The following TRIM9 variants were observed in gnomAD, a reference collection of about 807,000 sequenced individuals.
The protein encoded by TRIM9 is tripartite motif containing 9, also known as E3 ubiquitin-protein ligase TRIM9.
Under a neutral mutation model 78.3 loss-of-function variants are expected in TRIM9, and 26 were observed. The observed-to-expected ratio is 0.33, with a 90% CI of 0.24 to 0.46. TRIM9 has a LOEUF of 0.46. Among genes scored for constraint, TRIM9 ranks in the 20% least tolerant of loss-of-function variants. The probability of loss-of-function intolerance (pLI) is 1.00; values close to 1 mark genes in which losing one functional copy is unlikely to be tolerated. For synonymous variants in TRIM9, 398 were observed against 416.5 expected (o/e 0.96, Z 0.54); for missense variants, 787 against 1,036.4 (o/e 0.76, Z 3.30).
At chr14:51,052,589 A>C (rs906432795) in intron 1 of TRIM9, among the ~76,000 whole-genome samples, 9 of 152,358 alleles carry the variant, frequency 5.9e-5, no homozygotes, top group Admixed American at 2.6e-4. Context: ...CTGACATTTC[A>C]TCTTTTCAAT....
At position 51,027,518 on chromosome 14, in the gene TRIM9, G is replaced by C. The variant is rs575058541; in HGVS notation, c.823-2158C>G. Among the ~76,000 whole-genome samples the C allele has an allele frequency of 3.3e-5, 5 of 151,696 alleles. No individual in the cohort carries two copies. The East Asian group carries it at 7.7e-4, about 23-fold the overall frequency. On this transcript the variant is annotated intron_variant, in intron 1 of 12. Coordinates refer to ENST00000684578, the MANE Select transcript of TRIM9 (RefSeq NM_001387360.1). Reference sequence around the variant, plus strand: ...GCTGACTGGAGGGATTCGCAGGACAGATTCCTGGAACAGGGTCTGTTGGAG... The same window carrying C: ...GCTGACTGGAGGGATTCGCAGGACACATTCCTGGAACAGGGTCTGTTGGAG...
rs1157766657 is a variant in TRIM9 at position 51,094,280 on chromosome 14, C to G, written c.660G>C (p.Arg220Ser). The G allele has an allele frequency of 6.2e-7, 1 of 1,613,976 alleles. No homozygotes were observed. Among genetic ancestry groups the G allele is most frequent in the African/African-American group, 1.3e-5 (1 of 74,960 alleles). The change falls in exon 1 of 13, where the codon AGG (arginine) becomes AGC (serine). Residue 220 changes from arginine to serine, a missense_variant. Coordinates refer to ENST00000684578, the MANE Select transcript of TRIM9 (RefSeq NM_001387360.1). ...VPPAQGRVSR[R>S]LSPRKVSTCT... The stretch of plus-strand genomic sequence containing the variant: ...AGGTGGAGACCTTGCGTGGGCTCAG[C>G]CTCCGGCTCACACGACCCTGGGCCG...
At chr14:51,010,532 G>T in intron 3 of TRIM9, 38 bp from the exon 4 acceptor site, 1 of 1,507,984 alleles carries the variant, frequency 6.6e-7, no homozygotes, top group Non-Finnish European at 9.2e-7. Flanking sequence ...AGTCCAAGAT[G>T]GCAGAGGGTA....
At chr14:50,993,980 C>T (rs2053872355) in intron 7 of TRIM9, among the ~76,000 whole-genome samples, 1 of 152,092 alleles carries the variant, frequency 6.6e-6, no homozygotes, top group African/African-American at 2.4e-5. Context: ...CATCTGAATC[C>T]CCAGAACCTG....
intron 1 of TRIM9, among the ~76,000 whole-genome samples, chr14:51,034,342 G>C (rs1209109293): frequency 6.6e-6 from 1 of 152,054 alleles, no homozygotes; most frequent in East Asian, 1.9e-4. Flanking sequence ...AGAGCAATAA[G>C]AAGTTTTTGA....
intron 3 of TRIM9, among the ~76,000 whole-genome samples, chr14:51,014,254 A>C (rs1158859014): frequency 6.6e-6 from 1 of 152,188 alleles, no homozygotes. Flanking sequence ...TGAAGGAGCT[A>C]TCTGAGTGCT....
intron 1 of TRIM9, among the ~76,000 whole-genome samples, chr14:51,076,430 G>A (rs1467859462): frequency 6.6e-6 from 1 of 152,160 alleles, no homozygotes; most frequent in Non-Finnish European, 1.5e-5. Context: ...TCGTTCCCAG[G>A]GGAGGGACCC....
Position 51,000,721 on chromosome 14 carries a change from T to G in TRIM9, c.1426A>C (p.Ile476Leu). 1 of 1,614,160 alleles carries G rather than the reference T, an allele frequency of 6.2e-7. No individual in the cohort carries two copies. Among genetic ancestry groups the G allele is most frequent in the Admixed American group, 1.7e-5 (1 of 60,022 alleles). Residue 476 changes from isoleucine to leucine, a missense_variant, in exon 6 of 13, where the codon ATT becomes CTT. Coordinates refer to ENST00000684578, the MANE Select transcript of TRIM9 (RefSeq NM_001387360.1). ...PLSTVPADGYILELDDGNGGQ... is the reference protein window; with the variant it reads ...PLSTVPADGYLLELDDGNGGQ... ...CCGTTGCCATCATCCAGCTCCAGAATGTATCCATCGGCGGGCACCGTGGAC... is the reference window on the plus strand; with the variant it reads ...CCGTTGCCATCATCCAGCTCCAGAAGGTATCCATCGGCGGGCACCGTGGAC...
rs146692136 is a variant in TRIM9, at chr14:51,082,435, A to G, written c.822+11683T>C. On this transcript the variant is annotated intron_variant, in intron 1 of 12. Coordinates refer to ENST00000684578, the MANE Select transcript of TRIM9 (RefSeq NM_001387360.1). ...TATTAGTACAGGATAATTAGTCATA[A>G]AAAAGAATGATGTACTGAGGCATGC... Among the ~76,000 whole-genome samples the G allele has an allele frequency of 3.6e-3, 555 of 152,336 alleles. 6 individuals carry two copies. Among genetic ancestry groups the G allele is most frequent in the Non-Finnish European group, 3.3e-3 (224 of 68,020 alleles).
intron 6 of TRIM9, among the ~76,000 whole-genome samples, chr14:50,999,766 G>C (rs17802253): frequency 2.0e-5 from 3 of 152,084 alleles, no homozygotes; most frequent in Middle Eastern, 3.4e-3. Flanking sequence ...CCCTTAGGAA[G>C]CTCCAAGCAT....
intron 3 of TRIM9, among the ~76,000 whole-genome samples, chr14:51,015,763 C>T (rs551323853): frequency 6.6e-6 from 1 of 152,146 alleles, no homozygotes; most frequent in East Asian, 1.9e-4. Flanking sequence ...GCCTTGGCCC[C>T]CCAAAGCATT....
intron 1 of TRIM9, among the ~76,000 whole-genome samples, chr14:51,038,399 T>C (rs8013997): frequency 0.026 from 3,990 of 152,256 alleles, 128 homozygotes; most frequent in African/African-American, 0.077. Flanking sequence ...ATGGCAGCAA[T>C]AGAAACCTAA....
intron 1 of TRIM9, among the ~76,000 whole-genome samples, chr14:51,040,069 C>T (rs1355031850): frequency 9.9e-5 from 15 of 152,180 alleles, no homozygotes; most frequent in African/African-American, 3.6e-4. Flanking sequence ...AGGCGTGAGC[C>T]ATTGCACCCA....
At chr14:51,065,148 T>C (rs1170948633) in intron 1 of TRIM9, among the ~76,000 whole-genome samples, 1 of 152,206 alleles carries the variant, frequency 6.6e-6, no homozygotes, top group African/African-American at 2.4e-5. Flanking sequence ...GATCCATAAA[T>C]TTAGGGATTA....
At chr14:51,030,494 A>G (rs1453792906) in intron 1 of TRIM9, among the ~76,000 whole-genome samples, 2 of 152,196 alleles carry the variant, frequency 1.3e-5, no homozygotes, top group Non-Finnish European at 2.9e-5. Flanking sequence ...CGCAGTGAAC[A>G]GGCTATGATT....
chr14:51,037,538 G>A (rs1293121601), intron 1 of TRIM9, among the ~76,000 whole-genome samples: 1 of 152,032 alleles, frequency 6.6e-6, no homozygotes, highest in Non-Finnish European at 1.5e-5. Flanking sequence ...TTGCACTTAA[G>A]TGCAAACATC....
intron 7 of TRIM9, among the ~76,000 whole-genome samples, chr14:50,990,995 G>C (rs885251): frequency 0.61 from 92,020 of 152,044 alleles, 28,776 homozygotes; most frequent in African/African-American, 0.75. Flanking sequence ...TTTAAGCTTT[G>C]TTAAGTGTGG....
chr14:51,009,828 AG>A (rs1415369984), intron 4 of TRIM9, among the ~76,000 whole-genome samples: 1 of 152,244 alleles, frequency 6.6e-6, no homozygotes, highest in Non-Finnish European at 1.5e-5. Flanking sequence ...CCTTAACAAA[AG>A]GTTCCTTATC....
Position 50,977,088 on chromosome 14 carries a change from G to A in TRIM9, c.*203C>T. Reference sequence around the variant, plus strand: ...TTGGTTAGAATTGTTGGACATGGAAGCGGAAGCAGGCATGACAGCGGAGGA... The same window carrying A: ...TTGGTTAGAATTGTTGGACATGGAAACGGAAGCAGGCATGACAGCGGAGGA... On this transcript the variant is annotated 3_prime_UTR_variant, in exon 13 of 13. Coordinates refer to ENST00000684578, the MANE Select transcript of TRIM9 (RefSeq NM_001387360.1). 1 of 380,552 alleles carries A rather than the reference G, an allele frequency of 2.6e-6. No homozygotes were observed. Among genetic ancestry groups the A allele is most frequent in the Non-Finnish European group, 4.6e-6 (1 of 215,072 alleles). 23.6% of individuals were successfully genotyped at this position (380,552 alleles called of 1,614,324 possible). A position where few individuals can be genotyped will look rare whatever the true frequency, so the allele number is the denominator to read the frequency against.
Sources: gnomAD v4.1 joint callset for allele counts (sites outside exome capture counted in the v4.1 genomes callset) on GRCh38, gnomAD v4.1.1 for gene constraint, MANE v1.5 for transcripts, NCBI Gene and HGNC (gene_info 2026-07-23, HGNC 2026-07-21) for gene names.